SNX30: variants seen among roughly 807,000 people sequenced by gnomAD.
The protein encoded by SNX30 is sorting nexin family member 30, also known as sorting nexin-30.
SNX30 carries 24 observed loss-of-function variants against 46.4 expected under a neutral mutation model. That is an observed-to-expected ratio of 0.52 (90% CI 0.37 to 0.73). The LOEUF is 0.73. SNX30 is among the 30% of genes least tolerant of loss of function. The pLI, the probability that SNX30 is intolerant of heterozygous loss-of-function variation, is 0.00. For missense variants in SNX30, 533 were observed against 555.7 expected, an observed-to-expected ratio of 0.96 and a Z score of 0.41; for synonymous variants, 189 against 211.5, an observed-to-expected ratio of 0.89 and a Z score of 0.92.
chr9:112,862,614 G>C (rs1391315175), intron 7 of SNX30, among the ~76,000 whole-genome samples: 1 of 152,180 alleles, frequency 6.6e-6, no homozygotes, highest in African/African-American at 2.4e-5. Context: ...GAAAAAGTCA[G>C]TCTCTGACCT....
At chr9:112,778,173 C>G (rs1839779649) in intron 1 of SNX30, among the ~76,000 whole-genome samples, 1 of 151,944 alleles carries the variant, frequency 6.6e-6, no homozygotes, top group African/African-American at 2.4e-5. Context: ...GAGGGCATGT[C>G]CCAAGAATGA....
intron 3 of SNX30, among the ~76,000 whole-genome samples, chr9:112,822,541 G>GT (rs386415935): frequency 3.6e-4 from 47 of 131,794 alleles, no homozygotes; most frequent in Admixed American, 7.1e-4. Flanking sequence ...GTTTTGTTTT[G>GT]TTTTTTTTTT....
downstream of SNX30, among the ~76,000 whole-genome samples, chr9:112,876,931 C>CAAAAAAA (rs67151355): frequency 7.4e-6 from 1 of 135,500 alleles, no homozygotes. Context: ...GTAAGACTGT[C>CAAAAAAA]AAAAAAAAAA....
At chr9:112,844,571 C>T (rs1334894360) in intron 6 of SNX30, among the ~76,000 whole-genome samples, 1 of 152,118 alleles carries the variant, frequency 6.6e-6, no homozygotes, top group Admixed American at 6.5e-5. Flanking sequence ...AAGGAGCCCA[C>T]AAAGGAAGGG....
Position 112,750,861 on chromosome 9 carries a change from TGGC to T in SNX30, c.-134_-132del, listed in dbSNP as rs1457321604. On this transcript the variant is annotated 5_prime_UTR_variant, in exon 1 of 9. Coordinates refer to ENST00000374232, the MANE Select transcript of SNX30 (RefSeq NM_001012994.2). ...GCGCCGGCAGAGACCAGCCGGCGGG[TGGC>T]GGCGGCCCCCAGCACGGCCGGTGCA... is the stretch of plus-strand genomic sequence containing the variant. The T allele has an allele frequency of 2.5e-5, 18 of 718,964 alleles. No homozygotes were observed. Among genetic ancestry groups the T allele is most frequent in the Non-Finnish European group, 2.8e-5 (16 of 575,854 alleles). 44.5% of individuals were successfully genotyped at this position (718,964 alleles called of 1,614,324 possible). A position where few individuals can be genotyped will look rare whatever the true frequency, so the allele number is the denominator to read the frequency against.
intron 1 of SNX30, among the ~76,000 whole-genome samples, chr9:112,790,800 C>T (rs999783484): frequency 2.0e-5 from 3 of 152,186 alleles, no homozygotes; most frequent in Non-Finnish European, 2.9e-5. Context: ...GCTTTAAACA[C>T]ATTTGCTCCC....
At chr9:112,767,131 T>A (rs1839554427) in intron 1 of SNX30, among the ~76,000 whole-genome samples, 1 of 151,798 alleles carries the variant, frequency 6.6e-6, no homozygotes, top group South Asian at 2.1e-4. Flanking sequence ...TTTATTTTTT[T>A]TTTTTGATAG....
Position 112,769,575 on chromosome 9 carries a change from C to T in SNX30, c.156+18418C>T, listed in dbSNP as rs140660836. On this transcript the variant is annotated intron_variant, in intron 1 of 8. Coordinates refer to ENST00000374232, the MANE Select transcript of SNX30 (RefSeq NM_001012994.2). The stretch of plus-strand genomic sequence containing the variant: ...TTCACTTGGCTTCTGGGATTCCACT[C>T]ACTGTTGGTTCCTTATGTACCTTAC... 2.0e-5 allele frequency among the ~76,000 whole-genome samples: 3 copies of T among 152,320 alleles called. No individual in the cohort carries two copies. In the East Asian group the frequency reaches 5.8e-4, roughly 29 times the overall value.
intron 1 of SNX30, among the ~76,000 whole-genome samples, chr9:112,760,735 A>G (rs1400779770): frequency 6.6e-6 from 1 of 152,208 alleles, no homozygotes; most frequent in Non-Finnish European, 1.5e-5. Flanking sequence ...TTGCCACTTG[A>G]AACTTAAATT....
chr9:112,795,789 A>ACG (rs1840098681), intron 1 of SNX30, among the ~76,000 whole-genome samples: 1 of 151,840 alleles, frequency 6.6e-6, no homozygotes, highest in African/African-American at 2.4e-5. Flanking sequence ...ACACACACAC[A>ACG]CACACACGCA....
intron 1 of SNX30, among the ~76,000 whole-genome samples, chr9:112,792,119 G>T (rs1840035683): frequency 6.6e-6 from 1 of 152,186 alleles, no homozygotes; most frequent in South Asian, 2.1e-4. Flanking sequence ...TTATGTCTTA[G>T]AATATTTGAA....
chr9:112,768,115 C>T (rs994707032), intron 1 of SNX30, among the ~76,000 whole-genome samples: 6 of 152,190 alleles, frequency 3.9e-5, no homozygotes, highest in African/African-American at 1.4e-4. Flanking sequence ...CCATTGCTTA[C>T]GCAGTAATGG....
chr9:112,814,683 T>G (rs1840370215), intron 2 of SNX30, among the ~76,000 whole-genome samples: 1 of 152,210 alleles, frequency 6.6e-6, no homozygotes, highest in African/African-American at 2.4e-5. Flanking sequence ...TATTTTTCAT[T>G]TATCAGTCCA....
chr9:112,780,860 T>A (rs1447273992), intron 1 of SNX30, among the ~76,000 whole-genome samples: 1 of 152,204 alleles, frequency 6.6e-6, no homozygotes, highest in Non-Finnish European at 1.5e-5. Flanking sequence ...GGTAATGTGC[T>A]CTGAATCTTT....
chr9:112,785,136 A>G (rs776437044), intron 1 of SNX30, among the ~76,000 whole-genome samples: 2 of 152,190 alleles, frequency 1.3e-5, no homozygotes, highest in Non-Finnish European at 2.9e-5. Flanking sequence ...TCTTTCTGCC[A>G]TCTCATAGAA....
intron 6 of SNX30, among the ~76,000 whole-genome samples, chr9:112,838,937 G>C (rs1011102276): frequency 6.6e-6 from 1 of 152,082 alleles, no homozygotes; most frequent in African/African-American, 2.4e-5. Flanking sequence ...GAGAGTTCAA[G>C]AAGATATAAT....
chr9:112,838,055 TA>T (rs1175038072), intron 5 of SNX30, among the ~76,000 whole-genome samples: 1 of 151,614 alleles, frequency 6.6e-6, no homozygotes, highest in Non-Finnish European at 1.5e-5. Flanking sequence ...CACACCCGGC[TA>T]ATTTTTTTGT....
intron 1 of SNX30, among the ~76,000 whole-genome samples, chr9:112,769,864 C>A (rs985406659): frequency 6.6e-6 from 1 of 152,158 alleles, no homozygotes; most frequent in African/African-American, 2.4e-5. Context: ...TTATCTAGCT[C>A]ACTCTTAATT....
chr9:112,835,573 T>G (rs1840739310), intron 4 of SNX30, among the ~76,000 whole-genome samples: 1 of 151,756 alleles, frequency 6.6e-6, no homozygotes, highest in South Asian at 2.1e-4. Flanking sequence ...CACCTCAGCC[T>G]CCCACAGTAC....
Sources: allele counts gnomAD v4.1 joint callset (sites outside exome capture counted in the v4.1 genomes callset), GRCh38; gene constraint gnomAD v4.1.1; transcripts MANE v1.5; gene names NCBI Gene and HGNC (gene_info 2026-07-23, HGNC 2026-07-21).